Variants in CLN8 observed in about 807,000 individuals in gnomAD.
The protein encoded by CLN8 is protein CLN8.
CLN8 carries 14 observed loss-of-function variants against 15.7 expected under a neutral mutation model. The observed-to-expected ratio is 0.89, with a 90% CI of 0.59 to 1.39. CLN8 has a LOEUF of 1.39. CLN8 is among the 40% of genes most tolerant of loss of function. CLN8 has a pLI of 0.00. For missense variants in CLN8, 415 were observed against 364.0 expected (o/e 1.14, Z -1.14); for synonymous variants, 188 against 151.0 (o/e 1.25, Z -1.80).
chr8:1,771,648 C>A, intron 2 of CLN8, 51 bp downstream of exon 2: 1 of 1,536,584 alleles, frequency 6.5e-7, no homozygotes, highest in Non-Finnish European at 8.9e-7. Context: ...CATTTAATCA[C>A]TGGCTACAAT....
At chr8:1,763,723 A>AG (rs71209699), upstream of CLN8, 25,065 of 118,746 alleles carry the variant, frequency 0.21, 3,768 homozygotes, top group Middle Eastern at 0.34. Context: ...CGACGCCCCC[A>AG]GGGGGGCAGA....
chr8:1,753,544 C>T (rs1473485166), upstream of CLN8, among the ~76,000 whole-genome samples: 6 of 128,026 alleles, frequency 4.7e-5, no homozygotes, highest in East Asian at 7.1e-4. Context: ...GCACTCCAGC[C>T]TGGGTGACAA....
At chr8:1,769,864 A>G (rs912436059) in intron 1 of CLN8, among the ~76,000 whole-genome samples, 2 of 152,200 alleles carry the variant, frequency 1.3e-5, no homozygotes, top group East Asian at 1.9e-4. Flanking sequence ...GATGGAAGGC[A>G]GGTGTGGTCT....
chr8:1,756,623 A>AG (rs71209697), intron 1 of CLN8, among the ~76,000 whole-genome samples: 104,850 of 151,150 alleles, frequency 0.69, 36,507 homozygotes, highest in South Asian at 0.77. Flanking sequence ...AAATAGTAAC[A>AG]GGATGAAAAA....
chr8:1,785,823 G>A lies in CLN8; in HGVS notation c.*5256G>A. The A allele has an allele frequency of 6.0e-6, 1 of 166,172 alleles. No individual in the cohort carries two copies. The highest frequency in any genetic ancestry group is 1.3e-5 in the Non-Finnish European group (1 of 75,258). The allele number at this position is 166,172 out of a possible 1,614,324, so 10.3% of individuals were successfully genotyped here. ...TCCCTAAACCCCTGCTGTGGCTTCG[G>A]CAGTAAAGACAGGACGCACCCATGT... is the stretch of plus-strand genomic sequence containing the variant. On this transcript the variant is annotated 3_prime_UTR_variant, in exon 3 of 3. Transcript: ENST00000331222.
upstream of CLN8, chr8:1,763,385 GCCCGCCGCGCCGCGC>G (rs1488004403): frequency 3.6e-3 from 152 of 42,624 alleles, 14 homozygotes; most frequent in African/African-American, 0.011. Context: ...GCCCCACAGC[GCCCGCCGCGCCGCGC>G]CCCGCCCCCC....
intron 1 of CLN8, among the ~76,000 whole-genome samples, chr8:1,769,839 C>T (rs921091272): frequency 1.3e-5 from 2 of 152,108 alleles, no homozygotes; most frequent in African/African-American, 4.8e-5. Context: ...CTGCATCAGG[C>T]AGAGGAGATG....
rs1801290089 is a variant in CLN8, at chr8:1,771,252, G to A, written c.198G>A (p.Leu66=). Residue 66 remains leucine (L), a synonymous_variant, in exon 2 of 3, where the codon CTG becomes CTA. Coordinates refer to ENST00000331222, the MANE Select transcript of CLN8 (RefSeq NM_018941.4). ...CCAGAGAGAAGGTCTTCTGGGACCT[G>A]GCGGCCACGCGTGCAGTCTTTGGTG... ...LVAREKVFWD[L]AATRAVFGVQ... 1.2e-6 allele frequency: 2 copies of A among 1,613,604 alleles called. No individual in the cohort carries two copies. Among genetic ancestry groups the A allele is most frequent in the Non-Finnish European group, 1.7e-6 (2 of 1,179,566 alleles).
At chr8:1,772,283 A>T (rs566688485) in intron 2 of CLN8, among the ~76,000 whole-genome samples, 69 of 152,250 alleles carry the variant, frequency 4.5e-4, no homozygotes, top group South Asian at 3.3e-3. Context: ...GCGTACACAC[A>T]TACCTTGCTT....
intron 2 of CLN8, chr8:1,779,841 C>T (rs1416936935): frequency 2.0e-6 from 1 of 511,348 alleles, no homozygotes. Context: ...CATCACTTCC[C>T]AGGGTCTAGG....
chr8:1,774,479 T>G (rs1275967480), intron 2 of CLN8, among the ~76,000 whole-genome samples: 2 of 152,226 alleles, frequency 1.3e-5, no homozygotes, highest in Admixed American at 1.3e-4. Context: ...TTAAAGCTGA[T>G]AGATTCTTGC....
chr8:1,753,583 A>G (rs1004962063), upstream of CLN8, among the ~76,000 whole-genome samples: 3 of 141,056 alleles, frequency 2.1e-5, no homozygotes, highest in Admixed American at 7.1e-5. Flanking sequence ...AAAAAAAAAA[A>G]AAGAAAGAAA....
At chr8:1,776,462 A>G (rs1284774067) in intron 2 of CLN8, among the ~76,000 whole-genome samples, 1 of 135,048 alleles carries the variant, frequency 7.4e-6, no homozygotes, top group Non-Finnish European at 1.6e-5. Flanking sequence ...ACATGATGAT[A>G]GAAGGTTCTG....
chr8:1,777,511 C>A (rs1801566072), intron 2 of CLN8, among the ~76,000 whole-genome samples: 1 of 152,126 alleles, frequency 6.6e-6, no homozygotes, highest in Non-Finnish European at 1.5e-5. Flanking sequence ...ATTTTTTAAA[C>A]TTTTCCACTC....
upstream of CLN8, among the ~76,000 whole-genome samples, chr8:1,761,382 T>C (rs1800792718): frequency 6.6e-6 from 1 of 152,176 alleles, no homozygotes; most frequent in African/African-American, 2.4e-5. Context: ...TGGAGTGCAG[T>C]GGTGCGATTT....
Position 1,778,635 on chromosome 8 carries a change from G to T in CLN8, c.544-1615G>T, listed in dbSNP as rs182035366. ...GAACTAAGTGCTTGGTATGTTTGTG[G>T]AAAGCCGCACTGGCGGTCTCTGAAG... On this transcript the variant is annotated intron_variant, in intron 2 of 2. Coordinates refer to ENST00000331222, the MANE Select transcript of CLN8 (RefSeq NM_018941.4). Among the ~76,000 whole-genome samples, 22 of 152,318 alleles carry T rather than the reference G, an allele frequency of 1.4e-4. 1 individual carries two copies. In the East Asian group the frequency reaches 4.1e-3, roughly 28 times the overall value.
rs1056684132 is a variant in CLN8 at position 1,782,109 on chromosome 8, T to C, written c.*1542T>C. 1.3e-5 allele frequency: 2 copies of C among 152,214 alleles called. No individual in the cohort carries two copies. The highest frequency in any genetic ancestry group is 2.4e-5 in the African/African-American group (1 of 41,454). The allele number at this position is 152,214 out of a possible 1,614,324, so 9.4% of individuals were successfully genotyped here. A position where few individuals can be genotyped will look rare whatever the true frequency, so the allele number is the denominator to read the frequency against. On this transcript the variant is annotated 3_prime_UTR_variant, in exon 3 of 3. Transcript: ENST00000331222. ...TGTGACTTACGTTCCTTATGTTTTA[T>C]GGAACTCTCGGAACAGTGTTTTGTT...
upstream of CLN8, among the ~76,000 whole-genome samples, chr8:1,753,209 G>A (rs1800593854): frequency 6.6e-6 from 1 of 152,170 alleles, no homozygotes; most frequent in South Asian, 2.1e-4. Flanking sequence ...ATGGTTTCAG[G>A]AATCTGTTAC....
upstream of CLN8, among the ~76,000 whole-genome samples, chr8:1,755,047 G>A (rs982091746): frequency 3.9e-5 from 6 of 152,184 alleles, no homozygotes; most frequent in Non-Finnish European, 1.5e-5. Flanking sequence ...GGGGCTGCCA[G>A]ATCTGCTGGC....
Sources: gnomAD v4.1 joint callset for allele counts (sites outside exome capture counted in the v4.1 genomes callset) on GRCh38, gnomAD v4.1.1 for gene constraint, MANE v1.5 for transcripts, NCBI Gene and HGNC (gene_info 2026-07-23, HGNC 2026-07-21) for gene names.